Variants in ATG4C observed in about 807,000 individuals in gnomAD.
The protein encoded by ATG4C is cysteine protease ATG4C.
A neutral mutation model predicts 57.6 loss-of-function variants in ATG4C; 56 were observed. That is an observed-to-expected ratio of 0.97 (90% CI 0.78 to 1.21). ATG4C has a LOEUF of 1.21. Ranked by LOEUF, ATG4C falls within the 50% of genes most tolerant of loss-of-function variation. The probability of loss-of-function intolerance (pLI) is 0.00; values close to 1 mark genes in which losing one functional copy is unlikely to be tolerated. For missense variants in ATG4C, 595 were observed against 529.8 expected (o/e 1.12, Z -1.21); for synonymous variants, 157 against 174.1 (o/e 0.90, Z 0.78).
Position 62,864,083 on chromosome 1 carries a change from A to C in ATG4C, c.1301A>C (p.Asn434Thr). 1 of 1,607,052 alleles carries C rather than the reference A, an allele frequency of 6.2e-7. No homozygotes were observed. The highest frequency in any genetic ancestry group is 8.5e-7 in the Non-Finnish European group (1 of 1,176,756). The change falls in exon 11 of 11, where the codon AAT becomes ACT. Residue 434 changes from asparagine (N) to threonine (T), a missense_variant. Coordinates refer to ENST00000317868, the MANE Select transcript of ATG4C (RefSeq NM_032852.4). The part of the protein sequence containing the change: ...RDYDFTSTTT[N>T]EEDLFSEDEK... ...TATGATTTTACATCTACTACAACCA[A>C]TGAAGAAGACCTTTTTTCAGAGGAT...
intron 7 of ATG4C, among the ~76,000 whole-genome samples, chr1:62,829,739 A>G (rs1313131774): frequency 1.3e-5 from 2 of 152,116 alleles, no homozygotes; most frequent in Non-Finnish European, 2.9e-5. Context: ...TTCTTGCTTC[A>G]AAAGAACCTG....
At chr1:62,829,841 T>C (rs1352865112) in intron 7 of ATG4C, among the ~76,000 whole-genome samples, 4 of 152,140 alleles carry the variant, frequency 2.6e-5, no homozygotes, top group African/African-American at 9.6e-5. Flanking sequence ...AAGTTTTTAG[T>C]TTATTTTCAT....
intron 10 of ATG4C, among the ~76,000 whole-genome samples, chr1:62,847,037 CATG>C (rs1666345515): frequency 6.6e-6 from 1 of 152,086 alleles, no homozygotes; most frequent in South Asian, 2.1e-4. Flanking sequence ...ATTAGCCAGG[CATG>C]GTGGTGTGTG....
At chr1:62,850,870 A>G (rs1200243050) in intron 10 of ATG4C, among the ~76,000 whole-genome samples, 12,464 of 83,464 alleles carry the variant, frequency 0.15, 1,741 homozygotes, top group African/African-American at 0.37. Flanking sequence ...ATATATATAT[A>G]TATATATATA....
chr1:62,816,735 T>G lies in ATG4C; in HGVS notation c.321T>G (p.Cys107Trp). The G allele has an allele frequency of 6.2e-7, 1 of 1,613,786 alleles. No individual in the cohort carries two copies. Among genetic ancestry groups the G allele is most frequent in the Non-Finnish European group, 8.5e-7 (1 of 1,179,850 alleles). The change falls in exon 4 of 11, where the codon TGT becomes TGG. Residue 107 changes from cysteine to tryptophan, a missense_variant. Physicochemically the swap from Cys to Trp is radical, Grantham distance 215. Transcript: ENST00000317868. The stretch of plus-strand genomic sequence containing the variant: ...AAGGCTCAGCTTTGACAACAGACTG[T>G]GGGTGGGGCTGCACATTGAGAACTG... ...QIEGSALTTDCGWGCTLRTGQ... is the reference protein window; with the variant it reads ...QIEGSALTTDWGWGCTLRTGQ...
At chr1:62,804,273 G>A (rs1049979808) in intron 2 of ATG4C, among the ~76,000 whole-genome samples, 2 of 151,832 alleles carry the variant, frequency 1.3e-5, no homozygotes, top group Non-Finnish European at 2.9e-5. Context: ...TGTATTTTTA[G>A]TAGAGATTGG....
intron 2 of ATG4C, among the ~76,000 whole-genome samples, chr1:62,804,089 C>CTTTTTTTTTTTT (rs71692941): frequency 7.1e-6 from 1 of 140,554 alleles, no homozygotes; most frequent in African/African-American, 2.6e-5. Context: ...CTCCTTTTTT[C>CTTTTTTTTTTTT]TTTTTTTTTT....
intron 5 of ATG4C, among the ~76,000 whole-genome samples, chr1:62,820,046 T>C (rs964545311): frequency 6.6e-6 from 1 of 152,106 alleles, no homozygotes; most frequent in Non-Finnish European, 1.5e-5. Flanking sequence ...ATATATAAAT[T>C]TGAAATCATT....
chr1:62,799,071 G>A (rs1250770615), intron 1 of ATG4C, among the ~76,000 whole-genome samples: 3 of 152,050 alleles, frequency 2.0e-5, no homozygotes, highest in Non-Finnish European at 4.4e-5. Flanking sequence ...GTAGGCACAC[G>A]CCACCATGTC....
chr1:62,821,081 T>G, intron 5 of ATG4C, 58 bp from the exon 6 acceptor site: 2 of 1,359,118 alleles, frequency 1.5e-6, no homozygotes, highest in Non-Finnish European at 2.0e-6. Flanking sequence ...AAATTAAATA[T>G]TTAGTTGCCA....
At chr1:62,793,165 C>T (rs541847838) in intron 1 of ATG4C, among the ~76,000 whole-genome samples, 1 of 151,860 alleles carries the variant, frequency 6.6e-6, no homozygotes, top group South Asian at 2.1e-4. Context: ...GGACTACAGG[C>T]GTGAGCCACC....
At chr1:62,856,582 G>T (rs1394443984) in intron 10 of ATG4C, among the ~76,000 whole-genome samples, 2 of 152,120 alleles carry the variant, frequency 1.3e-5, no homozygotes, top group Non-Finnish European at 2.9e-5. Flanking sequence ...TTTGCCCAGG[G>T]TTACACAGTT....
intron 3 of ATG4C, among the ~76,000 whole-genome samples, chr1:62,807,963 A>G (rs1220623731): frequency 6.6e-6 from 1 of 152,196 alleles, no homozygotes; most frequent in Non-Finnish European, 1.5e-5. Context: ...AACTTCAGGT[A>G]GTTAGTTCAT....
At chr1:62,801,328 C>T (rs1664654222) in intron 1 of ATG4C, among the ~76,000 whole-genome samples, 1 of 152,188 alleles carries the variant, frequency 6.6e-6, no homozygotes, top group Non-Finnish European at 1.5e-5. Context: ...CCTTTGAGCT[C>T]CAGATCTATA....
At chr1:62,841,272 G>A (rs1666157333) in intron 9 of ATG4C, among the ~76,000 whole-genome samples, 156 bp from the exon 10 acceptor site, 1 of 152,172 alleles carries the variant, frequency 6.6e-6, no homozygotes, top group Non-Finnish European at 1.5e-5. Flanking sequence ...GTTTTGCAGA[G>A]TGGAGAGGAC....
intron 10 of ATG4C, among the ~76,000 whole-genome samples, chr1:62,861,527 G>C (rs1666852897): frequency 6.6e-6 from 1 of 151,288 alleles, no homozygotes; most frequent in Non-Finnish European, 1.5e-5. Context: ...ACTCCAGCCT[G>C]GACGACAGAG....
chr1:62,832,438 C>T (rs925043003), intron 7 of ATG4C, among the ~76,000 whole-genome samples: 3 of 152,134 alleles, frequency 2.0e-5, no homozygotes, highest in African/African-American at 4.8e-5. Flanking sequence ...CTCCTTGCTG[C>T]GCTCTCACAT....
intron 8 of ATG4C, 54 bp downstream of exon 8, chr1:62,834,170 A>G (rs1665925906): frequency 6.6e-7 from 1 of 1,507,192 alleles, no homozygotes; most frequent in Non-Finnish European, 9.2e-7. Context: ...AAAGTCAGAA[A>G]GTTAATATGA....
chr1:62,855,803 C>T (rs1557995489), intron 10 of ATG4C, among the ~76,000 whole-genome samples: 1 of 152,152 alleles, frequency 6.6e-6, no homozygotes, highest in Non-Finnish European at 1.5e-5. Flanking sequence ...GGTGGTACTG[C>T]GATTCACCTG....
Sources: gnomAD v4.1 joint callset for allele counts (sites outside exome capture counted in the v4.1 genomes callset) on GRCh38, gnomAD v4.1.1 for gene constraint, MANE v1.5 for transcripts, NCBI Gene and HGNC (gene_info 2026-07-23, HGNC 2026-07-21) for gene names.